Variants in TFEC observed in about 807,000 individuals in gnomAD.
TFEC encodes transcription factor EC.
In TFEC, 31 loss-of-function variants were observed where a neutral mutation model predicts 41.6. The observed-to-expected ratio is 0.74, with a 90% confidence interval of 0.56 to 1.01. The LOEUF is 1.01. Ranked by LOEUF, TFEC falls within the 50% of genes least tolerant of loss-of-function variation. The pLI is 0.00. For synonymous variants in TFEC, 143 were observed against 140.6 expected, an observed-to-expected ratio of 1.02 and a Z score of -0.12; for missense variants, 402 against 404.1, an observed-to-expected ratio of 0.99 and a Z score of 0.04.
intron 3 of TFEC, among the ~76,000 whole-genome samples, chr7:116,063,021 T>C (rs777229349): frequency 7.2e-5 from 11 of 152,186 alleles, no homozygotes; most frequent in African/African-American, 2.7e-4. Flanking sequence ...TGATTGGTCA[T>C]AGCCAAATGT....
chr7:115,992,521 G>A (rs952253439), intron 1 of TFEC, among the ~76,000 whole-genome samples: 1 of 152,004 alleles, frequency 6.6e-6, no homozygotes, highest in Non-Finnish European at 1.5e-5. Context: ...ATAATAAAGG[G>A]GGTGGCACCA....
chr7:116,009,772 G>A (rs1276026675), intron 1 of TFEC, among the ~76,000 whole-genome samples: 5 of 152,150 alleles, frequency 3.3e-5, no homozygotes, highest in Non-Finnish European at 7.4e-5. Flanking sequence ...AGGCACTTGA[G>A]TGGGCAGAGT....
At chr7:116,128,798 A>C (rs888997153) in intron 1 of TFEC, among the ~76,000 whole-genome samples, 8 of 152,182 alleles carry the variant, frequency 5.3e-5, no homozygotes, top group African/African-American at 1.9e-4. Flanking sequence ...GGATGGATTC[A>C]ATGAGTAATT....
intron 2 of TFEC, 104 bp downstream of exon 2, chr7:115,984,157 CA>C: frequency 7.3e-7 from 1 of 1,372,644 alleles, no homozygotes; most frequent in South Asian, 1.5e-5. Context: ...TCTTTTGTTA[CA>C]TTTGCAATCA....
intron 1 of TFEC, among the ~76,000 whole-genome samples, chr7:116,023,605 T>A (rs940385951): frequency 5.9e-5 from 9 of 152,110 alleles, no homozygotes; most frequent in African/African-American, 1.7e-4. Context: ...GAGGGTGTAA[T>A]CTAACATACA....
chr7:115,976,589 C>T (rs1437532835), intron 2 of TFEC, among the ~76,000 whole-genome samples: 1 of 152,030 alleles, frequency 6.6e-6, no homozygotes, highest in Non-Finnish European at 1.5e-5. Flanking sequence ...AATAGATGTG[C>T]ATATTTTGTT....
intron 5 of TFEC, among the ~76,000 whole-genome samples, chr7:115,951,949 T>C (rs1487902978): frequency 6.6e-6 from 1 of 152,110 alleles, no homozygotes; most frequent in Non-Finnish European, 1.5e-5. Context: ...TGGTATCTTT[T>C]TCAACAGATA....
chr7:116,014,247 A>G (rs1034814106), intron 1 of TFEC, among the ~76,000 whole-genome samples: 3 of 152,136 alleles, frequency 2.0e-5, no homozygotes, highest in African/African-American at 7.2e-5. Context: ...TGATTATGCT[A>G]TTTTTTGAGA....
At chr7:116,136,763 AGAAAT>A (rs1268437085) in intron 1 of TFEC, among the ~76,000 whole-genome samples, 1 of 152,102 alleles carries the variant, frequency 6.6e-6, no homozygotes, top group East Asian at 1.9e-4. Flanking sequence ...TTGTAAGAAA[AGAAAT>A]GAAATAAGAG....
intron 6 of TFEC, among the ~76,000 whole-genome samples, chr7:115,947,013 G>T (rs1791619970): frequency 6.6e-6 from 1 of 150,508 alleles, no homozygotes; most frequent in African/African-American, 2.4e-5. Flanking sequence ...CTGGTGCGCT[G>T]CACCCACTAA....
chr7:116,096,246 G>A (rs988552311), intron 3 of TFEC, among the ~76,000 whole-genome samples: 3 of 151,982 alleles, frequency 2.0e-5, no homozygotes, highest in Non-Finnish European at 4.4e-5. Flanking sequence ...TTGCCTTCCT[G>A]AGATATAAAA....
intron 1 of TFEC, among the ~76,000 whole-genome samples, chr7:116,003,889 A>G (rs1794692070): frequency 6.6e-6 from 1 of 152,178 alleles, no homozygotes; most frequent in African/African-American, 2.4e-5. Flanking sequence ...ACATTACACA[A>G]GTGAAAGAAG....
chr7:116,153,295 GCC>G (rs1425860196), intron 1 of TFEC, among the ~76,000 whole-genome samples: 1 of 152,020 alleles, frequency 6.6e-6, no homozygotes, highest in Non-Finnish European at 1.5e-5. Flanking sequence ...TCGTTCTGTT[GCC>G]CAGACTGGAG....
At chr7:115,943,293 A>C (rs1325352557) in intron 6 of TFEC, among the ~76,000 whole-genome samples, 1 of 151,932 alleles carries the variant, frequency 6.6e-6, no homozygotes, top group Admixed American at 6.6e-5. Context: ...TTTGGTGCTA[A>C]ACCAAGTATC....
rs1326836878 is a variant in TFEC at position 115,939,428 on chromosome 7, C to CT, written c.*1122dup. ...GTGCAACCAAAGATCATAGGACACT[C>CT]TAAGTGTTTATAGAAATAGAACCTT... On this transcript the variant is annotated 3_prime_UTR_variant, in exon 8 of 8. Transcript: ENST00000265440. 2 of 152,026 alleles carry CT rather than the reference C, an allele frequency of 1.3e-5. No homozygotes were observed. The highest frequency in any genetic ancestry group is 4.8e-5 in the African/African-American group (2 of 41,424). 9.4% of individuals were successfully genotyped at this position (152,026 alleles called of 1,614,324 possible).
chr7:116,044,964 C>A (rs1053598026), intron 3 of TFEC, among the ~76,000 whole-genome samples: 12 of 152,184 alleles, frequency 7.9e-5, no homozygotes, highest in Admixed American at 7.9e-4. Flanking sequence ...GGAAACTGTA[C>A]CCCTTTATCC....
intron 3 of TFEC, among the ~76,000 whole-genome samples, chr7:116,066,569 C>T (rs1190152793): frequency 6.6e-6 from 1 of 151,838 alleles, no homozygotes; most frequent in African/African-American, 2.4e-5. Context: ...TAAAAATTTT[C>T]TTTCTCAGTT....
chr7:115,958,160 T>A (rs574350496), intron 3 of TFEC, among the ~76,000 whole-genome samples: 7 of 152,008 alleles, frequency 4.6e-5, no homozygotes, highest in Non-Finnish European at 8.8e-5. Flanking sequence ...AAAAGCCACC[T>A]ATTGGAGTCA....
chr7:115,981,276 T>C (rs1343841033), intron 2 of TFEC, among the ~76,000 whole-genome samples: 1 of 152,140 alleles, frequency 6.6e-6, no homozygotes, highest in Non-Finnish European at 1.5e-5. Flanking sequence ...TTGATGTATA[T>C]GTCTTTCAAC....
Sources: allele counts gnomAD v4.1 joint callset (sites outside exome capture counted in the v4.1 genomes callset), GRCh38; gene constraint gnomAD v4.1.1; transcripts MANE v1.5; gene names NCBI Gene and HGNC (gene_info 2026-07-23, HGNC 2026-07-21).